The following THSD4 variants were observed in gnomAD, a reference collection of about 807,000 sequenced individuals.
The protein encoded by THSD4 is thrombospondin type 1 domain containing 4.
In THSD4, 69 loss-of-function variants were observed where a neutral mutation model predicts 119.0. That is an observed-to-expected ratio of 0.58 (90% CI 0.48 to 0.71). THSD4 has a LOEUF of 0.71. THSD4 is among the 30% of genes least tolerant of loss of function. The pLI, the probability that THSD4 is intolerant of heterozygous loss-of-function variation, is 0.00. For missense variants in THSD4, 1,393 were observed against 1,391.1 expected (o/e 1.00, Z -0.02); for synonymous variants, 524 against 540.4 (o/e 0.97, Z 0.42).
At chr15:71,458,293 A>G (rs553112354) in intron 7 of THSD4, among the ~76,000 whole-genome samples, 1 of 152,324 alleles carries the variant, frequency 6.6e-6, no homozygotes, top group African/African-American at 2.4e-5. Flanking sequence ...TATGATTCAT[A>G]CATCTATTGT....
At chr15:71,260,606 G>A (rs1338598743) in intron 6 of THSD4, among the ~76,000 whole-genome samples, 1 of 152,128 alleles carries the variant, frequency 6.6e-6, no homozygotes, top group South Asian at 2.1e-4. Context: ...GAGGTGGCCT[G>A]GGATTCAAAT....
intron 1 of THSD4, among the ~76,000 whole-genome samples, chr15:71,097,706 A>ATG (rs1555447905): frequency 1.3e-4 from 15 of 113,190 alleles, no homozygotes; most frequent in Admixed American, 7.9e-4. Context: ...TCACAGAAAG[A>ATG]TGTATATATA....
chr15:71,772,194 G>A (rs1473553086), intron 17 of THSD4, among the ~76,000 whole-genome samples: 1 of 152,146 alleles, frequency 6.6e-6, no homozygotes, highest in Non-Finnish European at 1.5e-5. Context: ...CTTTCATGGG[G>A]TAGATTCCTC....
rs545007693 is a variant in THSD4 at position 71,422,332 on chromosome 15, G to A, written c.1152+10509G>A. Among the ~76,000 whole-genome samples, 95 of 152,270 alleles carry A rather than the reference G, an allele frequency of 6.2e-4. 2 individuals carry two copies. In the South Asian group the frequency reaches 0.019, roughly 31 times the overall value. On this transcript the variant is annotated intron_variant, in intron 7 of 17. Transcript: ENST00000261862. ...CTCGTCCTTCTTTAGAAGGCTTTCT[G>A]GATATTTGCAGGGACTTGGGTGTTG...
intron 7 of THSD4, among the ~76,000 whole-genome samples, chr15:71,586,757 A>G (rs2049678730): frequency 6.6e-6 from 1 of 152,212 alleles, no homozygotes; most frequent in Admixed American, 6.5e-5. Context: ...GGGATTATCC[A>G]GGGTATGCAG....
intron 8 of THSD4, among the ~76,000 whole-genome samples, chr15:71,706,154 C>G (rs991495423): frequency 6.6e-6 from 1 of 152,102 alleles, no homozygotes; most frequent in African/African-American, 2.4e-5. Context: ...GCTGGCCTTC[C>G]GAACAGAAGA....
chr15:71,745,741 T>C (rs1262097829), intron 12 of THSD4, among the ~76,000 whole-genome samples: 1 of 152,198 alleles, frequency 6.6e-6, no homozygotes, highest in Non-Finnish European at 1.5e-5. Flanking sequence ...GCCTCCTGGA[T>C]TCAAGCAATT....
chr15:71,154,891 T>C lies in THSD4; in HGVS notation c.58T>C (p.Phe20Leu). The change falls in exon 3 of 18, where the codon TTC (phenylalanine) becomes CTC (leucine). Residue 20 changes from phenylalanine (F) to leucine (L), a missense_variant. Transcript: ENST00000261862. ...CCTGTGTTTCCTTCTGCTGCTTGGA[T>C]TCCAGTTCGTCTGCCCACAGCCCTC... ...SVLCFLLLLG[F>L]QFVCPQPSTQ... The C allele has an allele frequency of 1.9e-6, 3 of 1,614,162 alleles. No homozygotes were observed. Among genetic ancestry groups the C allele is most frequent in the Non-Finnish European group, 2.5e-6 (3 of 1,180,034 alleles).
At chr15:71,429,463 A>T (rs1228220466) in intron 7 of THSD4, among the ~76,000 whole-genome samples, 2 of 152,194 alleles carry the variant, frequency 1.3e-5, no homozygotes, top group Non-Finnish European at 1.5e-5. Flanking sequence ...ACAGACTTGA[A>T]TCTTTCTTCC....
intron 3 of THSD4, among the ~76,000 whole-genome samples, chr15:71,162,592 TA>T (rs1346434916): frequency 1.3e-5 from 2 of 152,048 alleles, no homozygotes. Flanking sequence ...AGTTTGTTTA[TA>T]ATGTGCCCCA....
At chr15:71,684,246 G>C (rs144554936) in intron 8 of THSD4, among the ~76,000 whole-genome samples, 1 of 151,830 alleles carries the variant, frequency 6.6e-6, no homozygotes, top group Admixed American at 6.6e-5. Flanking sequence ...ATTTCGTTGC[G>C]CTTTTATAAA....
intron 3 of THSD4, among the ~76,000 whole-genome samples, chr15:71,207,743 G>A (rs28452248): frequency 0.15 from 22,950 of 152,024 alleles, 2,473 homozygotes; most frequent in African/African-American, 0.31. Context: ...TAGGTTGTAC[G>A]CTCCTTATGA....
intron 7 of THSD4, among the ~76,000 whole-genome samples, chr15:71,594,058 A>G (rs923868243): frequency 5.3e-5 from 8 of 152,106 alleles, no homozygotes; most frequent in African/African-American, 1.9e-4. Context: ...GGGCAGCTGG[A>G]CATGAGCTGC....
intron 8 of THSD4, among the ~76,000 whole-genome samples, chr15:71,665,653 T>A (rs2141004737): frequency 6.6e-6 from 1 of 152,282 alleles, no homozygotes; most frequent in African/African-American, 2.4e-5. Context: ...GTCTTTAATC[T>A]ATCTTGAGTT....
At chr15:71,338,452 G>A (rs891467229) in intron 6 of THSD4, among the ~76,000 whole-genome samples, 19 of 152,152 alleles carry the variant, frequency 1.2e-4, no homozygotes, top group African/African-American at 4.6e-4. Context: ...CTAGAATTGG[G>A]CCATGAGGTA....
intron 7 of THSD4, among the ~76,000 whole-genome samples, chr15:71,559,818 A>G (rs2049084749): frequency 1.3e-5 from 2 of 152,214 alleles, no homozygotes; most frequent in Non-Finnish European, 2.9e-5. Context: ...GCTCAGCTAC[A>G]TTAGAGAAAA....
chr15:71,397,196 C>A (rs2046465343), intron 6 of THSD4, among the ~76,000 whole-genome samples: 1 of 152,126 alleles, frequency 6.6e-6, no homozygotes. Flanking sequence ...TGGTCCTGGC[C>A]TTTGGATATA....
chr15:71,659,277 A>G (rs1291305942), intron 7 of THSD4, among the ~76,000 whole-genome samples: 4 of 152,212 alleles, frequency 2.6e-5, no homozygotes, highest in Non-Finnish European at 4.4e-5. Flanking sequence ...CTGCTCATGG[A>G]AAAGTGACAG....
chr15:71,766,865 TAAAAA>T (rs777745305), intron 16 of THSD4: 1 of 147,656 alleles, frequency 6.8e-6, no homozygotes, highest in Non-Finnish European at 1.5e-5. Flanking sequence ...TTTTGCTAAG[TAAAAA>T]AAAAAGCCAG....
Sources: allele counts gnomAD v4.1 joint callset (sites outside exome capture counted in the v4.1 genomes callset), GRCh38; gene constraint gnomAD v4.1.1; transcripts MANE v1.5; gene names NCBI Gene and HGNC (gene_info 2026-07-23, HGNC 2026-07-21).